The following TMTC2 variants were observed in gnomAD, a reference collection of about 807,000 sequenced individuals.
The protein encoded by TMTC2 is transmembrane O-mannosyltransferase targeting cadherins 2, also known as protein O-mannosyl-transferase TMTC2.
A neutral mutation model predicts 82.4 loss-of-function variants in TMTC2; 43 were observed. The ratio of observed to expected loss-of-function variants is 0.52; its 90% CI spans 0.41 to 0.67. The LOEUF (loss-of-function observed/expected upper bound fraction) is 0.67, where lower values mean the gene tolerates loss of function less well. TMTC2 is among the 30% of genes least tolerant of loss of function. The pLI is 0.00. For missense variants in TMTC2, 919 were observed against 1,012.4 expected, an observed-to-expected ratio of 0.91 and a Z score of 1.25; for synonymous variants, 408 against 381.9, an observed-to-expected ratio of 1.07 and a Z score of -0.80.
At chr12:82,721,227 T>C (rs1220653341) in intron 1 of TMTC2, among the ~76,000 whole-genome samples, 1 of 152,170 alleles carries the variant, frequency 6.6e-6, no homozygotes, top group African/African-American at 2.4e-5. Context: ...GAGTATTTAC[T>C]TGCATGTTGC....
chr12:82,772,786 A>G (rs1160106820), intron 1 of TMTC2, among the ~76,000 whole-genome samples: 2 of 152,086 alleles, frequency 1.3e-5, no homozygotes, highest in Non-Finnish European at 2.9e-5. Flanking sequence ...AAAATTCTGT[A>G]ATTTTACACC....
chr12:82,996,000 T>A (rs957746603), intron 8 of TMTC2, among the ~76,000 whole-genome samples: 3 of 152,362 alleles, frequency 2.0e-5, no homozygotes, highest in Non-Finnish European at 2.9e-5. Flanking sequence ...GTATCTCATG[T>A]ACATAAATGC....
chr12:82,715,310 C>G (rs1466092313), intron 1 of TMTC2, among the ~76,000 whole-genome samples: 1 of 151,602 alleles, frequency 6.6e-6, no homozygotes, highest in African/African-American at 2.4e-5. Context: ...GCATACAAAT[C>G]TTTTAACATG....
chr12:83,085,285 G>T (rs79963731), intron 11 of TMTC2, among the ~76,000 whole-genome samples: 11,090 of 152,196 alleles, frequency 0.073, 484 homozygotes, highest in East Asian at 0.23. Flanking sequence ...CTGACTTCCC[G>T]TGACAGATAA....
At chr12:83,077,662 C>T (rs1370109897) in intron 11 of TMTC2, among the ~76,000 whole-genome samples, 1 of 151,984 alleles carries the variant, frequency 6.6e-6, no homozygotes, top group Non-Finnish European at 1.5e-5. Flanking sequence ...GCATCCTCTG[C>T]CTCCCGAGTT....
chr12:82,874,000 A>C (rs1397088814), intron 2 of TMTC2, among the ~76,000 whole-genome samples: 2 of 152,212 alleles, frequency 1.3e-5, no homozygotes, highest in African/African-American at 4.8e-5. Flanking sequence ...TTATGGGGGA[A>C]CGATTCTATA....
At chr12:82,714,001 A>G (rs554177543) in intron 1 of TMTC2, among the ~76,000 whole-genome samples, 1 of 152,330 alleles carries the variant, frequency 6.6e-6, no homozygotes, top group East Asian at 1.9e-4. Context: ...TATTTCTTAT[A>G]ATAATCACGT....
At chr12:82,838,114 A>G (rs189621365) in intron 1 of TMTC2, among the ~76,000 whole-genome samples, 81 of 152,306 alleles carry the variant, frequency 5.3e-4, no homozygotes, top group Middle Eastern at 3.4e-3. Flanking sequence ...AAACTTCCCT[A>G]TCCTTCTTCT....
At chr12:82,893,099 C>T (rs779609189) in intron 2 of TMTC2, among the ~76,000 whole-genome samples, 2 of 151,982 alleles carry the variant, frequency 1.3e-5, no homozygotes, top group East Asian at 1.9e-4. Flanking sequence ...GGGCCAGTCA[C>T]GGTGGCTCAC....
chr12:82,949,980 G>T (rs1197940985), intron 4 of TMTC2, among the ~76,000 whole-genome samples: 1 of 152,094 alleles, frequency 6.6e-6, no homozygotes, highest in East Asian at 1.9e-4. Context: ...CTTACATGTT[G>T]GGAAGTGCAT....
intron 7 of TMTC2, among the ~76,000 whole-genome samples, chr12:82,984,340 T>G (rs1288345409): frequency 1.3e-5 from 2 of 152,134 alleles, no homozygotes; most frequent in African/African-American, 4.8e-5. Context: ...ATGCATACTA[T>G]GTATTATTTG....
At chr12:83,009,551 C>T (rs1179560267) in intron 8 of TMTC2, among the ~76,000 whole-genome samples, 2 of 151,866 alleles carry the variant, frequency 1.3e-5, no homozygotes, top group African/African-American at 2.4e-5. Context: ...TGATAGATCT[C>T]AGAAAAATCA....
At chr12:82,990,430 A>T (rs1230049319) in intron 8 of TMTC2, among the ~76,000 whole-genome samples, 2 of 152,164 alleles carry the variant, frequency 1.3e-5, no homozygotes, top group Non-Finnish European at 2.9e-5. Context: ...GTTTCCCAGA[A>T]TGCTTTGGCA....
chr12:83,066,890 G>T (rs969349108), intron 11 of TMTC2, among the ~76,000 whole-genome samples: 3 of 151,888 alleles, frequency 2.0e-5, no homozygotes, highest in African/African-American at 7.3e-5. Flanking sequence ...GAGAGAATTT[G>T]CTTATTCTAA....
At chr12:83,049,361 G>A (rs1882261158) in intron 9 of TMTC2, among the ~76,000 whole-genome samples, 1 of 152,016 alleles carries the variant, frequency 6.6e-6, no homozygotes, top group African/African-American at 2.4e-5. Context: ...CCCTTTTTGT[G>A]TCCACATGTA....
intron 1 of TMTC2, among the ~76,000 whole-genome samples, chr12:82,771,664 T>A (rs141473580): frequency 6.0e-4 from 91 of 152,314 alleles, no homozygotes; most frequent in African/African-American, 2.1e-3. Flanking sequence ...TATTGATATA[T>A]GCATCAAAGA....
Position 83,076,025 on chromosome 12 carries a change from A to T in TMTC2, c.2331+14194A>T, listed in dbSNP as rs116159706. ...GTGTAAGTTTCCATGCTTAGAAGAC[A>T]AGGATAGTGAATACAACTCCCTTGT... On this transcript the variant is annotated intron_variant, in intron 11 of 11. Coordinates refer to ENST00000321196, the MANE Select transcript of TMTC2 (RefSeq NM_152588.3). Among the ~76,000 whole-genome samples, 259 of 152,348 alleles carry T rather than the reference A, an allele frequency of 1.7e-3. 1 individual carries two copies. Among genetic ancestry groups the T allele is most frequent in the African/African-American group, 6.1e-3 (252 of 41,596 alleles).
intron 7 of TMTC2, among the ~76,000 whole-genome samples, chr12:82,981,952 G>A (rs1878937135): frequency 6.6e-6 from 1 of 150,416 alleles, no homozygotes; most frequent in African/African-American, 2.4e-5. Context: ...GTGTAGAATG[G>A]TATAGTGGAA....
chr12:83,000,672 C>T (rs1879880043), intron 8 of TMTC2, among the ~76,000 whole-genome samples: 1 of 152,110 alleles, frequency 6.6e-6, no homozygotes, highest in South Asian at 2.1e-4. Flanking sequence ...AGGACTGTGG[C>T]CCTCTTCTCA....
Sources: gnomAD v4.1 joint callset for allele counts (sites outside exome capture counted in the v4.1 genomes callset) on GRCh38, gnomAD v4.1.1 for gene constraint, MANE v1.5 for transcripts, NCBI Gene and HGNC (gene_info 2026-07-23, HGNC 2026-07-21) for gene names.